Variants in OPCML observed in about 807,000 individuals in gnomAD.
OPCML encodes the protein opioid binding protein/cell adhesion molecule like.
In OPCML, 13 loss-of-function variants were observed where a neutral mutation model predicts 37.8. That is an observed-to-expected ratio of 0.34 (90% confidence interval 0.22 to 0.55). OPCML has a LOEUF of 0.55. Ranked by LOEUF, OPCML falls within the 20% of genes least tolerant of loss-of-function variation. The pLI is 0.91. For synonymous variants in OPCML, 176 were observed against 168.8 expected (o/e 1.04, Z -0.33); for missense variants, 341 against 435.6 (o/e 0.78, Z 1.93).
intron 1 of OPCML, among the ~76,000 whole-genome samples, chr11:133,510,711 T>C (rs1487072853): frequency 2.6e-5 from 4 of 152,190 alleles, no homozygotes; most frequent in Admixed American, 1.3e-4. Flanking sequence ...CTACCTGACC[T>C]ACACGTTACC....
At chr11:133,118,057 T>C (rs1460310268) in intron 1 of OPCML, 1 of 647,364 alleles carries the variant, frequency 1.5e-6, no homozygotes, top group African/African-American at 2.0e-5. Flanking sequence ...GGTGAAACAC[T>C]CTTCAGAAAG....
intron 1 of OPCML, among the ~76,000 whole-genome samples, chr11:133,019,368 C>T (rs1400039356): frequency 6.6e-6 from 1 of 152,162 alleles, no homozygotes; most frequent in Non-Finnish European, 1.5e-5. Flanking sequence ...CCAAGGTGAC[C>T]TCTGAACCAG....
chr11:132,778,846 T>C (rs1382223350), intron 2 of OPCML, among the ~76,000 whole-genome samples: 1 of 152,200 alleles, frequency 6.6e-6, no homozygotes, highest in East Asian at 1.9e-4. Context: ...GACTTAATAT[T>C]TCATTGCCAA....
chr11:133,108,777 C>T (rs1949202675), intron 1 of OPCML, among the ~76,000 whole-genome samples: 1 of 149,734 alleles, frequency 6.7e-6, no homozygotes, highest in South Asian at 2.1e-4. Context: ...CCATTGTTAC[C>T]AAAGACAGCG....
chr11:133,296,496 T>C (rs1393579743), intron 1 of OPCML, among the ~76,000 whole-genome samples: 1 of 152,204 alleles, frequency 6.6e-6, no homozygotes, highest in Non-Finnish European at 1.5e-5. Context: ...TTGCAGTAAC[T>C]TTTATGGAAT....
Position 132,763,993 on chromosome 11 carries a change from G to A in OPCML, c.147-106674C>T, listed in dbSNP as rs148941357. 3.0e-4 allele frequency among the ~76,000 whole-genome samples: 45 copies of A among 152,320 alleles called. No homozygotes were observed. In the East Asian group the frequency reaches 7.9e-3, roughly 27 times the overall value. ...CTTGCTTTGCCTGACGACTACCAGGGCTCCCTCTAGGCCTCAAAGGCATTA... is the reference window on the plus strand; with the variant it reads ...CTTGCTTTGCCTGACGACTACCAGGACTCCCTCTAGGCCTCAAAGGCATTA... On this transcript the variant is annotated intron_variant, in intron 2 of 7. Coordinates refer to ENST00000524381, the MANE Select transcript of OPCML (RefSeq NM_001012393.5).
chr11:132,661,344 C>A (rs1327155473), intron 2 of OPCML, among the ~76,000 whole-genome samples: 1 of 152,186 alleles, frequency 6.6e-6, no homozygotes, highest in Non-Finnish European at 1.5e-5. Flanking sequence ...ACAATGAAAT[C>A]AGTTGAGGAA....
At chr11:132,543,214 C>T (rs1371503120) in intron 3 of OPCML, among the ~76,000 whole-genome samples, 1 of 152,148 alleles carries the variant, frequency 6.6e-6, no homozygotes, top group African/African-American at 2.4e-5. Flanking sequence ...AATTTTTAAA[C>T]TATAAAATGG....
chr11:133,050,188 C>G (rs1461357935), intron 1 of OPCML, among the ~76,000 whole-genome samples: 3 of 152,190 alleles, frequency 2.0e-5, no homozygotes, highest in Non-Finnish European at 2.9e-5. Context: ...CCTGCCCATT[C>G]TAGTTTGTTC....
At chr11:132,440,492 G>A (rs1222325329) in intron 4 of OPCML, among the ~76,000 whole-genome samples, 4 of 152,096 alleles carry the variant, frequency 2.6e-5, no homozygotes, top group African/African-American at 9.7e-5. Context: ...CGCTGTTCGT[G>A]GGCTCTCTCC....
intron 1 of OPCML, among the ~76,000 whole-genome samples, chr11:133,182,450 G>C (rs1937877409): frequency 6.6e-6 from 1 of 152,268 alleles, no homozygotes; most frequent in Non-Finnish European, 1.5e-5. Flanking sequence ...CTTGCCAGCT[G>C]CCTGCCAGTT....
intron 4 of OPCML, among the ~76,000 whole-genome samples, chr11:132,503,356 C>T (rs1033386077): frequency 4.6e-5 from 7 of 152,080 alleles, no homozygotes; most frequent in East Asian, 1.9e-4. Flanking sequence ...AGTCAGTGCA[C>T]GTAGTAATTA....
chr11:133,348,041 A>G (rs189744051), intron 1 of OPCML, among the ~76,000 whole-genome samples: 238 of 152,322 alleles, frequency 1.6e-3, no homozygotes, highest in Non-Finnish European at 3.0e-3. Flanking sequence ...CCAGTTGTAT[A>G]TGCATTCTAT....
At chr11:132,658,685 G>A (rs913102686) in intron 2 of OPCML, among the ~76,000 whole-genome samples, 1 of 152,174 alleles carries the variant, frequency 6.6e-6, no homozygotes, top group Non-Finnish European at 1.5e-5. Context: ...TCACAATATT[G>A]CAGGAAGACA....
chr11:133,233,266 A>G (rs973592408), intron 1 of OPCML, among the ~76,000 whole-genome samples: 12 of 152,242 alleles, frequency 7.9e-5, no homozygotes, highest in African/African-American at 2.9e-4. Context: ...TCAGAGGATC[A>G]GAACGTGCCA....
chr11:133,346,958 C>T (rs73602439), intron 1 of OPCML, among the ~76,000 whole-genome samples: 30,069 of 152,044 alleles, frequency 0.2, 4,595 homozygotes, highest in African/African-American at 0.42. Context: ...TTTCCTGACT[C>T]CCAATAGCCT....
intron 1 of OPCML, among the ~76,000 whole-genome samples, chr11:133,054,965 G>A (rs1306401424): frequency 2.0e-5 from 3 of 147,768 alleles, no homozygotes; most frequent in African/African-American, 7.6e-5. Context: ...GAGACCCCAC[G>A]AGGGAGCACC....
At chr11:133,271,917 T>G (rs976448243) in intron 1 of OPCML, among the ~76,000 whole-genome samples, 4 of 152,190 alleles carry the variant, frequency 2.6e-5, no homozygotes, top group African/African-American at 9.6e-5. Flanking sequence ...ATATAGTCCC[T>G]GCATCTGTGA....
chr11:133,334,025 C>G, intron 1 of OPCML, among the ~76,000 whole-genome samples: 1 of 152,210 alleles, frequency 6.6e-6, no homozygotes, highest in Admixed American at 6.5e-5. Context: ...GAAAAGGGAA[C>G]CCTTACACAC....
Sources: gnomAD v4.1 joint callset for allele counts (sites outside exome capture counted in the v4.1 genomes callset) on GRCh38, gnomAD v4.1.1 for gene constraint, MANE v1.5 for transcripts, NCBI Gene and HGNC (gene_info 2026-07-23, HGNC 2026-07-21) for gene names.